ERICH3: variants seen among roughly 807,000 people sequenced by gnomAD.
ERICH3 encodes glutamate rich 3, also known as glutamate-rich protein 3.
Under a neutral mutation model 131.1 loss-of-function variants are expected in ERICH3, and 126 were observed. The ratio of observed to expected loss-of-function variants is 0.96; its 90% CI spans 0.83 to 1.11. The LOEUF (loss-of-function observed/expected upper bound fraction) is 1.11, where lower values mean the gene tolerates loss of function less well. Ranked by LOEUF, ERICH3 falls within the 50% of genes most tolerant of loss-of-function variation. ERICH3 has a pLI of 0.00. For synonymous variants in ERICH3, 695 were observed against 644.6 expected, an observed-to-expected ratio of 1.08 and a Z score of -1.18; for missense variants, 2,050 against 1,810.7, an observed-to-expected ratio of 1.13 and a Z score of -2.40.
chr1:74,611,504 T>C (rs568678966), intron 9 of ERICH3, among the ~76,000 whole-genome samples: 5 of 152,268 alleles, frequency 3.3e-5, no homozygotes, highest in Admixed American at 2.6e-4. Context: ...TGACAAGTCA[T>C]TGCTCAAAAC....
At chr1:74,595,301 T>C (rs1333036523) in intron 11 of ERICH3, among the ~76,000 whole-genome samples, 1 of 152,122 alleles carries the variant, frequency 6.6e-6, no homozygotes, top group Non-Finnish European at 1.5e-5. Context: ...GATGAATCTG[T>C]GCTTAATGAA....
intron 5 of ERICH3, among the ~76,000 whole-genome samples, chr1:74,640,903 T>C (rs1025235429): frequency 2.6e-5 from 4 of 151,980 alleles, no homozygotes; most frequent in African/African-American, 9.7e-5. Context: ...TCAGAAAATA[T>C]AGAATATGTA....
At chr1:74,629,548 C>T (rs549528267) in intron 7 of ERICH3, among the ~76,000 whole-genome samples, 11 of 152,176 alleles carry the variant, frequency 7.2e-5, no homozygotes, top group South Asian at 2.1e-4. Context: ...TCACTTGTCA[C>T]GACCCTGGGA....
At chr1:74,621,426 C>T (rs1370516410) in intron 7 of ERICH3, 1 of 152,236 alleles carries the variant, frequency 6.6e-6, no homozygotes, top group South Asian at 2.1e-4. Flanking sequence ...CTTCCCTGGG[C>T]TTATTCCATC....
intron 11 of ERICH3, among the ~76,000 whole-genome samples, chr1:74,590,480 G>T (rs933180286): frequency 2.0e-5 from 3 of 152,184 alleles, no homozygotes; most frequent in African/African-American, 7.2e-5. Context: ...GCGAGACAGT[G>T]GCAGACCATC....
chr1:74,620,163 T>C (rs1649152351), intron 8 of ERICH3, among the ~76,000 whole-genome samples: 1 of 152,184 alleles, frequency 6.6e-6, no homozygotes, highest in South Asian at 2.1e-4. Context: ...AGAAAAACAT[T>C]ACAGTATAAT....
At chr1:74,648,519 G>A (rs1393797100) in intron 2 of ERICH3, among the ~76,000 whole-genome samples, 1 of 152,144 alleles carries the variant, frequency 6.6e-6, no homozygotes, top group African/African-American at 2.4e-5. Context: ...CTGTCAGCTA[G>A]AGTGCCAAGC....
intron 11 of ERICH3, 67 bp from the exon 12 acceptor site, chr1:74,590,147 A>C: frequency 7.6e-7 from 1 of 1,311,710 alleles, no homozygotes; most frequent in South Asian, 1.5e-5. Flanking sequence ...TGTAAAAATT[A>C]TGTTAGCAAT....
chr1:74,630,706 T>C (rs1030988686), intron 7 of ERICH3, among the ~76,000 whole-genome samples: 10 of 151,792 alleles, frequency 6.6e-5, no homozygotes, highest in Middle Eastern at 3.2e-3. Flanking sequence ...CCTGGATATG[T>C]TGAGAGACAG....
chr1:74,621,361 A>T (rs1214291500), intron 7 of ERICH3: 1 of 152,544 alleles, frequency 6.6e-6, no homozygotes, highest in Non-Finnish European at 1.5e-5. Flanking sequence ...GAGATTTAGC[A>T]ATAGTTTTTG....
chr1:74,608,930 G>A (rs148470996), intron 9 of ERICH3, among the ~76,000 whole-genome samples: 26 of 152,084 alleles, frequency 1.7e-4, no homozygotes, highest in East Asian at 1.2e-3. Flanking sequence ...TTGTGGCTGC[G>A]TAAAGGCTTT....
chr1:74,672,911 C>A (rs1271038015), intron 1 of ERICH3, among the ~76,000 whole-genome samples: 1 of 152,116 alleles, frequency 6.6e-6, no homozygotes, highest in Non-Finnish European at 1.5e-5. Context: ...CACAGGCACA[C>A]AACTCCTCCC....
intron 10 of ERICH3, among the ~76,000 whole-genome samples, chr1:74,601,602 T>A (rs1197861128): frequency 1.3e-5 from 2 of 151,982 alleles, no homozygotes; most frequent in Non-Finnish European, 2.9e-5. Flanking sequence ...TTTTAGGGAC[T>A]CATGGAAGAC....
chr1:74,623,848 C>CA (rs1336506448), intron 7 of ERICH3: 3 of 152,178 alleles, frequency 2.0e-5, no homozygotes, highest in Admixed American at 2.0e-4. Flanking sequence ...CCAGTGATTG[C>CA]AATTTCTCAT....
chr1:74,577,245 G>GA (rs142907816), intron 12 of ERICH3: 109,326 of 180,186 alleles, frequency 0.61, 31,257 homozygotes, highest in African/African-American at 0.69. Flanking sequence ...TTAGTTGAAA[G>GA]AAAAAAAAAA....
intron 9 of ERICH3, 61 bp from the exon 10 acceptor site, chr1:74,606,963 A>T: frequency 7.1e-7 from 1 of 1,410,024 alleles, no homozygotes; most frequent in East Asian, 2.3e-5. Flanking sequence ...ATGGAACCTC[A>T]AAGCTTTTGA....
At chr1:74,634,607 C>T in intron 6 of ERICH3, 1 of 701,346 alleles carries the variant, frequency 1.4e-6, no homozygotes, top group Non-Finnish European at 2.6e-6. Flanking sequence ...TCTAATGAAA[C>T]AAAGTATTGA....
chr1:74,637,203 G>A (rs534589012), intron 5 of ERICH3, among the ~76,000 whole-genome samples: 59 of 152,176 alleles, frequency 3.9e-4, no homozygotes, highest in African/African-American at 1.4e-3. Flanking sequence ...AGCAAGAGAT[G>A]AAATTAGGGT....
intron 11 of ERICH3, among the ~76,000 whole-genome samples, chr1:74,598,483 G>T (rs1441881248): frequency 6.6e-6 from 1 of 151,678 alleles, no homozygotes; most frequent in African/African-American, 2.4e-5. Context: ...AAATTAAAAA[G>T]TTCTGAATGA....
Sources: allele counts gnomAD v4.1 joint callset (sites outside exome capture counted in the v4.1 genomes callset), GRCh38; gene constraint gnomAD v4.1.1; transcripts MANE v1.5; gene names NCBI Gene and HGNC (gene_info 2026-07-23, HGNC 2026-07-21).